Variants in RSBN1 observed in about 807,000 individuals in gnomAD.
The protein encoded by RSBN1 is lysine-specific demethylase 9.
A neutral mutation model predicts 74.8 loss-of-function variants in RSBN1; 23 were observed. The ratio of observed to expected loss-of-function variants is 0.31; its 90% CI spans 0.22 to 0.44. The LOEUF (loss-of-function observed/expected upper bound fraction) is 0.44. RSBN1 is among the 20% of genes least tolerant of loss of function. RSBN1 has a pLI of 1.00. For missense variants in RSBN1, 808 were observed against 1,020.9 expected (o/e 0.79, Z 2.84); for synonymous variants, 407 against 379.6 (o/e 1.07, Z -0.84).
intron 2 of RSBN1, among the ~76,000 whole-genome samples, chr1:113,780,539 A>G (rs566798742): frequency 2.7e-4 from 41 of 152,364 alleles, no homozygotes; most frequent in African/African-American, 9.6e-4. Context: ...AAACCTAAAA[A>G]AGAGGAAGGC....
Position 113,797,671 on chromosome 1 carries a change from T to G in RSBN1, c.1069A>C (p.Ser357Arg). The change falls in exon 2 of 7, where the codon AGC (serine) becomes CGC (arginine). Residue 357 changes from serine (S) to arginine (R), a missense_variant. This residue lies in a region of RSBN1 where 85 missense variants were observed against 126.2 expected (regional missense o/e 0.67). Coordinates refer to ENST00000261441, the MANE Select transcript of RSBN1 (RefSeq NM_018364.5). ...TGGTGTTCCTCATGAATAAAGTTGC[T>G]AAATTTAGTACCTGTTTTTAAGAAA... ...RNFLKTGTKF[S>R]NFIHEEHQSN... 2.5e-6 allele frequency: 4 copies of G among 1,614,106 alleles called. No individual in the cohort carries two copies. Among genetic ancestry groups the G allele is most frequent in the Non-Finnish European group, 3.4e-6 (4 of 1,179,992 alleles).
At position 113,811,897 on chromosome 1, in the gene RSBN1, G is replaced by A. The variant is rs1441066743; in HGVS notation, c.516C>T (p.Thr172=). 3 of 1,612,026 alleles carry A rather than the reference G, an allele frequency of 1.9e-6. No individual in the cohort carries two copies. Among genetic ancestry groups the A allele is most frequent in the East Asian group, 2.2e-5 (1 of 44,822 alleles). Residue 172 remains threonine, a synonymous_variant, in exon 1 of 7, where the codon ACC becomes ACT. Coordinates refer to ENST00000261441, the MANE Select transcript of RSBN1 (RefSeq NM_018364.5). ...CCGCGCTCACCGTCAGAGGCGAGAA[G>A]GTGAAGAGGGCCGAGGTGCTTGGGG... is the stretch of plus-strand genomic sequence containing the variant. ...LPAPSTSALF[T]FSPLTVSAAG...
chr1:113,780,182 A>G (rs1038696970), intron 2 of RSBN1, among the ~76,000 whole-genome samples: 2 of 152,236 alleles, frequency 1.3e-5, no homozygotes, highest in African/African-American at 4.8e-5. Flanking sequence ...TTTCCCAGCC[A>G]GAAGTGACTC....
At chr1:113,798,139 T>A in intron 1 of RSBN1, 103 bp from the exon 2 acceptor site, 1 of 990,196 alleles carries the variant, frequency 1.0e-6, no homozygotes, top group Non-Finnish European at 1.5e-6. Flanking sequence ...TCAATTTCTC[T>A]GAATTTGCTA....
chr1:113,798,163 G>A (rs545961962), intron 1 of RSBN1, 127 bp from the exon 2 acceptor site: 8 of 755,646 alleles, frequency 1.1e-5, no homozygotes, highest in Non-Finnish European at 1.7e-5. Flanking sequence ...CAACTTACGT[G>A]TTTAGAAAAC....
At chr1:113,789,590 T>C (rs1368049129) in intron 2 of RSBN1, among the ~76,000 whole-genome samples, 1 of 152,156 alleles carries the variant, frequency 6.6e-6, no homozygotes. Flanking sequence ...AGGCCTGGAC[T>C]TGTGACTGGT....
In RSBN1 at chr1:113,768,213, T is replaced by G. The variant is rs748756492; in HGVS notation, c.1826+9A>C. The G allele has an allele frequency of 1.3e-6, 2 of 1,597,284 alleles. No homozygotes were observed. Among genetic ancestry groups the G allele is most frequent in the South Asian group, 2.3e-5 (2 of 88,830 alleles). ...TAACCAACCTTGCAGTTGAGTTCAA[T>G]TAACTCACCATTCACCAAATTGTAC... On this transcript the variant is annotated intron_variant, in intron 5 of 6. Coordinates refer to ENST00000261441, the MANE Select transcript of RSBN1 (RefSeq NM_018364.5).
chr1:113,792,215 A>G (rs546326350), intron 2 of RSBN1, among the ~76,000 whole-genome samples: 7 of 152,318 alleles, frequency 4.6e-5, no homozygotes, highest in Non-Finnish European at 1.0e-4. Context: ...AACACATAAC[A>G]CACACTCCTC....
rs1056030232 is a variant in RSBN1, at chr1:113,765,850, G to A, written c.*130C>T. 1.3e-4 allele frequency: 87 copies of A among 676,930 alleles called. No homozygotes were observed. The Middle Eastern group carries it at 3.7e-3, about 29-fold the overall frequency. 41.9% of individuals were successfully genotyped at this position (676,930 alleles called of 1,614,324 possible). ...TAAAAAAGATATGCTTGACATTTGT[G>A]GAATGTCATTTCTCTTTATAGAATT... On this transcript the variant is annotated 3_prime_UTR_variant, in exon 7 of 7. Coordinates refer to ENST00000261441, the MANE Select transcript of RSBN1 (RefSeq NM_018364.5).
In RSBN1 at chr1:113,791,326, T is replaced by A. The variant is rs184582080; in HGVS notation, c.1377+6037A>T. On this transcript the variant is annotated intron_variant, in intron 2 of 6. Coordinates refer to ENST00000261441, the MANE Select transcript of RSBN1 (RefSeq NM_018364.5). ...CTTTGAATATATATACTGCTGTCAA[T>A]ACATATGTAGTGTTTAAATTAGAAA... Among the ~76,000 whole-genome samples, 46 of 152,364 alleles carry A rather than the reference T, an allele frequency of 3.0e-4. 1 individual carries two copies. In the East Asian group the frequency reaches 7.7e-3, roughly 26 times the overall value.
chr1:113,791,388 TAAG>T (rs1195216413), intron 2 of RSBN1, among the ~76,000 whole-genome samples: 1 of 152,188 alleles, frequency 6.6e-6, no homozygotes. Flanking sequence ...ATTTCTGAAT[TAAG>T]TAAGCTCAAC....
Position 113,767,096 on chromosome 1 carries a change from T to C in RSBN1, c.1935+3A>G. On this transcript the variant is annotated splice_donor_region_variant and intron_variant, in intron 6 of 6. Transcript: ENST00000261441. ...CAAATGGTGATAAAACATAAGTTAT[T>C]ACCTGGGAAACTGGAGGTTCATGAA... 2 of 1,533,308 alleles carry C rather than the reference T, an allele frequency of 1.3e-6. No individual in the cohort carries two copies. The highest frequency in any genetic ancestry group is 1.8e-6 in the Non-Finnish European group (2 of 1,112,070). 95.0% of individuals were successfully genotyped at this position (1,533,308 alleles called of 1,614,324 possible). A position where few individuals can be genotyped will look rare whatever the true frequency, so the allele number is the denominator to read the frequency against.
chr1:113,790,401 T>C (rs1660341216), intron 2 of RSBN1, among the ~76,000 whole-genome samples: 1 of 152,316 alleles, frequency 6.6e-6, no homozygotes, highest in East Asian at 1.9e-4. Context: ...GGCTAAGGGA[T>C]GGTATTCATA....
intron 1 of RSBN1, among the ~76,000 whole-genome samples, chr1:113,798,324 A>G (rs1660513615): frequency 6.6e-6 from 1 of 152,194 alleles, no homozygotes; most frequent in South Asian, 2.1e-4. Context: ...TGGTTAAATA[A>G]ATCATGATAT....
chr1:113,777,056 GA>G (rs756954357), intron 4 of RSBN1, among the ~76,000 whole-genome samples, 153 bp downstream of exon 4: 3 of 152,072 alleles, frequency 2.0e-5, no homozygotes, highest in Non-Finnish European at 2.9e-5. Flanking sequence ...GCCTCACTGT[GA>G]TAACTGTGAT....
intron 1 of RSBN1, 89 bp downstream of exon 1, chr1:113,811,620 AG>A (rs1660849808): frequency 9.5e-6 from 14 of 1,479,982 alleles, no homozygotes; most frequent in Non-Finnish European, 1.3e-5. Flanking sequence ...GAAGGTAAGC[AG>A]GGGTTTGGCG....
intron 1 of RSBN1, among the ~76,000 whole-genome samples, chr1:113,802,312 G>A (rs1477817330): frequency 5.5e-5 from 8 of 144,898 alleles, no homozygotes; most frequent in African/African-American, 1.0e-4. Flanking sequence ...CTTAGAAGTC[G>A]GAAAAAAAAA....
At chr1:113,787,215 G>A (rs550175937) in intron 2 of RSBN1, among the ~76,000 whole-genome samples, 1 of 152,294 alleles carries the variant, frequency 6.6e-6, no homozygotes, top group Non-Finnish European at 1.5e-5. Flanking sequence ...AGATGAAAAG[G>A]TGAAGAGGAC....
rs180889187 is a variant in RSBN1 at position 113,811,594 on chromosome 1, G to C, written c.703+116C>G. 5.6e-6 allele frequency: 8 copies of C among 1,429,216 alleles called. No individual in the cohort carries two copies. The African/African-American group carries it at 7.2e-5, about 13-fold the overall frequency. 88.5% of individuals were successfully genotyped at this position (1,429,216 alleles called of 1,614,324 possible). On this transcript the variant is annotated intron_variant, in intron 1 of 6. Transcript: ENST00000261441. Reference sequence around the variant, plus strand: ...TCCAGGGTCCACCCCAGTGAGCTTAGAGAAGTACAGCAGCAGAAGGTAAGC... The same window carrying C: ...TCCAGGGTCCACCCCAGTGAGCTTACAGAAGTACAGCAGCAGAAGGTAAGC...
Sources: gnomAD v4.1 joint callset for allele counts (sites outside exome capture counted in the v4.1 genomes callset) on GRCh38, gnomAD v4.1.1 for gene constraint, gnomAD v4.1.1 regional missense constraint, MANE v1.5 for transcripts, NCBI Gene and HGNC (gene_info 2026-07-23, HGNC 2026-07-21) for gene names.